Variants in NWD1 observed in about 807,000 individuals in gnomAD.
NWD1 encodes the protein NACHT and WD repeat domain containing 1.
In NWD1, 129 loss-of-function variants were observed where a neutral mutation model predicts 135.1. That is an observed-to-expected ratio of 0.96 (90% CI 0.83 to 1.11). NWD1 has a LOEUF of 1.11. NWD1 is among the 50% of genes least tolerant of loss of function. The pLI, the probability that NWD1 is intolerant of heterozygous loss-of-function variation, is 0.00. For missense variants in NWD1, 1,740 were observed against 1,851.3 expected, an observed-to-expected ratio of 0.94 and a Z score of 1.10; for synonymous variants, 773 against 786.0, an observed-to-expected ratio of 0.98 and a Z score of 0.28.
chr19:16,783,017 CTTCTTTCTTTCTT>C (rs1222917090), intron 12 of NWD1, among the ~76,000 whole-genome samples: 18 of 134,834 alleles, frequency 1.3e-4, no homozygotes, highest in Non-Finnish European at 2.5e-4. Context: ...TCTTTCTTTC[CTTCTTTCTTTCTT>C]TTCTTTCTTT....
intron 13 of NWD1, among the ~76,000 whole-genome samples, chr19:16,790,622 A>G (rs1970207741): frequency 7.3e-6 from 1 of 137,448 alleles, no homozygotes; most frequent in African/African-American, 2.6e-5. Flanking sequence ...CCCAAAACTG[A>G]AAGTAACATT....
intron 10 of NWD1, among the ~76,000 whole-genome samples, chr19:16,768,536 A>G (rs1969308209): frequency 6.6e-6 from 1 of 152,212 alleles, no homozygotes; most frequent in Non-Finnish European, 1.5e-5. Flanking sequence ...TAATCAAACT[A>G]TGGGAGACAA....
chr19:16,766,544 G>C (rs1969230036), intron 10 of NWD1, among the ~76,000 whole-genome samples: 1 of 138,812 alleles, frequency 7.2e-6, no homozygotes, highest in Admixed American at 6.7e-5. Flanking sequence ...CCATGAGGAT[G>C]TTCTGTTTGG....
rs34646876 is a variant in NWD1, at chr19:16,742,881, CTATTATTATTAT to C, written c.199-1508_199-1497del. ...TAGAGACAGGGTCTCACTATGTTGC[CTATTATTATTAT>C]TATTATTATTATTATTATTATTATT... On this transcript the variant is annotated intron_variant, in intron 4 of 18. Coordinates refer to ENST00000524140, the MANE Select transcript of NWD1 (RefSeq NM_001007525.5). Among the ~76,000 whole-genome samples, 1,080 of 132,948 alleles carry C rather than the reference CTATTATTATTAT, an allele frequency of 8.1e-3. 6 individuals carry two copies. The highest frequency in any genetic ancestry group is 0.013 in the East Asian group (58 of 4,490). 87.2% of individuals were successfully genotyped at this position (132,948 alleles called of 152,430 possible). A position where few individuals can be genotyped will look rare whatever the true frequency, so the allele number is the denominator to read the frequency against.
chr19:16,801,818 A>G (rs1970609841), intron 17 of NWD1: 1 of 152,210 alleles, frequency 6.6e-6, no homozygotes, highest in African/African-American at 2.4e-5. Flanking sequence ...TGGATAGATT[A>G]ATGCCCTCTC....
At chr19:16,729,834 A>ATTCAAGCCTGGGCACAGAG (rs1168428766) in intron 2 of NWD1, among the ~76,000 whole-genome samples, 2 of 151,684 alleles carry the variant, frequency 1.3e-5, no homozygotes, top group Non-Finnish European at 2.9e-5. Context: ...GTGCCACTGC[A>ATTCAAGCCTGGGCACAGAG]TTCAAGCCTG....
At chr19:16,802,947 C>CAAAA (rs59153702) in intron 17 of NWD1, among the ~76,000 whole-genome samples, 28 of 81,902 alleles carry the variant, frequency 3.4e-4, no homozygotes, top group African/African-American at 8.4e-4. Flanking sequence ...GACTCTGTCT[C>CAAAA]AAAAAAAAAA....
intron 12 of NWD1, among the ~76,000 whole-genome samples, chr19:16,780,459 G>A (rs568791465): frequency 2.0e-5 from 3 of 151,958 alleles, no homozygotes; most frequent in Admixed American, 2.0e-4. Flanking sequence ...CCCAGCCAAA[G>A]GCAGGGTTTC....
rs765910940 is a variant in NWD1, at chr19:16,749,728, G to A, written c.1086G>A (p.Leu362=). ...TGGCTGAGCAGATGCCAAGGCTGCT[G>A]GGGCACAAGACAGTGACCGTCCTGC... ...CKLAEQMPRL[L]GHKTVTVLRL... The change falls in exon 6 of 19, where the codon CTG becomes CTA. Residue 362 remains leucine (L), a synonymous_variant. Coordinates refer to ENST00000524140, the MANE Select transcript of NWD1 (RefSeq NM_001007525.5). 3.7e-6 allele frequency: 6 copies of A among 1,605,976 alleles called. No individual in the cohort carries two copies. The highest frequency in any genetic ancestry group is 5.1e-6 in the Non-Finnish European group (6 of 1,175,512).
At chr19:16,750,948 G>A (rs1451411980) in intron 6 of NWD1, among the ~76,000 whole-genome samples, 4 of 152,134 alleles carry the variant, frequency 2.6e-5, no homozygotes, top group African/African-American at 7.2e-5. Context: ...TAGGCCAGGC[G>A]TGGTGGCTCA....
intron 3 of NWD1, among the ~76,000 whole-genome samples, chr19:16,735,845 G>GGAGGAAGGAAGGAAGGAAA (rs1568337384): frequency 1.2e-4 from 6 of 51,122 alleles, no homozygotes; most frequent in Non-Finnish European, 2.6e-4. Context: ...AAGGAAGGAA[G>GGAGGAAGGAAGGAAGGAAA]GAAGGAAGGA....
At chr19:16,762,327 T>C (rs1186800731) in intron 8 of NWD1, among the ~76,000 whole-genome samples, 189 bp downstream of exon 8, 24 of 132,752 alleles carry the variant, frequency 1.8e-4, no homozygotes, top group Admixed American at 1.2e-3. Flanking sequence ...GACAGAGTCT[T>C]ACTCTGTCGC....
intron 18 of NWD1, among the ~76,000 whole-genome samples, chr19:16,814,577 A>G (rs1260170160): frequency 6.6e-6 from 1 of 152,238 alleles, no homozygotes; most frequent in Non-Finnish European, 1.5e-5. Context: ...GTAATCTGAT[A>G]CATAGTAAAC....
chr19:16,808,901 T>C (rs1026687879), intron 18 of NWD1, among the ~76,000 whole-genome samples: 21 of 152,032 alleles, frequency 1.4e-4, no homozygotes, highest in African/African-American at 2.4e-4. Flanking sequence ...CTGGGCAACA[T>C]AGGGAGACCT....
chr19:16,792,542 C>A (rs1014701411), intron 14 of NWD1, among the ~76,000 whole-genome samples: 3 of 152,004 alleles, frequency 2.0e-5, no homozygotes, highest in African/African-American at 7.3e-5. Flanking sequence ...ATTAGCCGGG[C>A]GTGGTGGTGA....
At chr19:16,810,481 G>A (rs1247263158) in intron 18 of NWD1, among the ~76,000 whole-genome samples, 1 of 147,106 alleles carries the variant, frequency 6.8e-6, no homozygotes, top group Non-Finnish European at 1.5e-5. Context: ...GGCCTTGTAA[G>A]TCTAGATTAG....
At chr19:16,754,756 A>G (rs1329151551) in intron 6 of NWD1, among the ~76,000 whole-genome samples, 7 of 145,392 alleles carry the variant, frequency 4.8e-5, no homozygotes, top group Admixed American at 3.4e-4. Flanking sequence ...TCATCTCTAT[A>G]GCCATCCATC....
intron 6 of NWD1, among the ~76,000 whole-genome samples, chr19:16,756,824 T>C (rs945376798): frequency 4.6e-5 from 7 of 152,130 alleles, no homozygotes; most frequent in African/African-American, 1.7e-4. Context: ...AGCCACTTCT[T>C]GCTGCTCCTC....
At chr19:16,789,586 C>A (rs931972975) in intron 13 of NWD1, among the ~76,000 whole-genome samples, 1 of 151,984 alleles carries the variant, frequency 6.6e-6, no homozygotes, top group African/African-American at 2.4e-5. Context: ...CTATTAGTTT[C>A]CAGATATTTG....
Sources: gnomAD v4.1 joint callset for allele counts (sites outside exome capture counted in the v4.1 genomes callset) on GRCh38, gnomAD v4.1.1 for gene constraint, MANE v1.5 for transcripts, NCBI Gene and HGNC (gene_info 2026-07-23, HGNC 2026-07-21) for gene names.